KSR2: variants seen among roughly 807,000 people sequenced by gnomAD.
KSR2 encodes the protein kinase suppressor of ras 2.
Under a neutral mutation model 107.8 loss-of-function variants are expected in KSR2, and 25 were observed. The observed-to-expected ratio is 0.23, with a 90% CI of 0.17 to 0.32. The LOEUF (loss-of-function observed/expected upper bound fraction) is 0.32, where lower values mean the gene tolerates loss of function less well. Ranked by LOEUF, KSR2 falls within the 10% of genes least tolerant of loss-of-function variation. The probability of loss-of-function intolerance (pLI) is 1.00; values close to 1 mark genes in which losing one functional copy is unlikely to be tolerated. For synonymous variants in KSR2, 480 were observed against 507.0 expected (o/e 0.95, Z 0.71); for missense variants, 887 against 1,268.9 (o/e 0.70, Z 4.57).
intron 1 of KSR2, among the ~76,000 whole-genome samples, chr12:117,935,791 G>A (rs1381903718): frequency 3.3e-5 from 5 of 152,054 alleles, no homozygotes; most frequent in Non-Finnish European, 7.4e-5. Context: ...AGGCTCTCAT[G>A]ATCTGGTCCC....
chr12:117,877,320 GAGTAA>G (rs1893887375), intron 1 of KSR2, among the ~76,000 whole-genome samples: 1 of 152,116 alleles, frequency 6.6e-6, no homozygotes, highest in African/African-American at 2.4e-5. Context: ...CTGGGTGACA[GAGTAA>G]GACTCCATCT....
intron 10 of KSR2, among the ~76,000 whole-genome samples, chr12:117,538,486 G>A (rs1876212775): frequency 6.6e-6 from 1 of 152,130 alleles, no homozygotes; most frequent in Admixed American, 6.5e-5. Flanking sequence ...TTGCCTCCTG[G>A]CCACTCACTC....
chr12:117,609,321 C>T (rs1332674969), intron 5 of KSR2, among the ~76,000 whole-genome samples: 4 of 152,208 alleles, frequency 2.6e-5, no homozygotes, highest in Admixed American at 2.6e-4. Context: ...GTGTACAGTG[C>T]CTGGCCTATA....
chr12:117,643,101 G>A (rs1174774876), intron 5 of KSR2, among the ~76,000 whole-genome samples: 1 of 152,030 alleles, frequency 6.6e-6, no homozygotes, highest in Non-Finnish European at 1.5e-5. Context: ...AATAAATAGG[G>A]GACTACCTAG....
At chr12:117,862,844 C>T (rs1260252529) in intron 1 of KSR2, among the ~76,000 whole-genome samples, 1 of 151,832 alleles carries the variant, frequency 6.6e-6, no homozygotes, top group African/African-American at 2.4e-5. Flanking sequence ...ATTCTCCTGC[C>T]TCACCCTCCC....
In KSR2 at chr12:117,461,714, G is replaced by A. The variant is rs1044532494; in HGVS notation, c.*5485C>T. On this transcript the variant is annotated 3_prime_UTR_variant, in exon 20 of 20. Transcript: ENST00000339824. ...ACATTTGCTGCCTGTCACTCCCCTT[G>A]GAGTTCAAAGTGATTCCCTTGCAGG... 1 of 159,132 alleles carries A rather than the reference G, an allele frequency of 6.3e-6. No homozygotes were observed. Among genetic ancestry groups the A allele is most frequent in the African/African-American group, 2.4e-5 (1 of 41,660 alleles). The allele number at this position is 159,132 out of a possible 1,614,324, so 9.9% of individuals were successfully genotyped here.
intron 9 of KSR2, among the ~76,000 whole-genome samples, chr12:117,542,071 G>A (rs1260314660): frequency 2.0e-5 from 3 of 152,006 alleles, no homozygotes; most frequent in African/African-American, 4.8e-5. Flanking sequence ...TTTTTTGGTA[G>A]ACACAGGGTC....
At chr12:117,644,991 C>T (rs73211964) in intron 5 of KSR2, among the ~76,000 whole-genome samples, 5,650 of 152,250 alleles carry the variant, frequency 0.037, 187 homozygotes, top group South Asian at 0.13. Flanking sequence ...TGATTCACTC[C>T]ATGGCTTCAA....
intron 10 of KSR2, among the ~76,000 whole-genome samples, chr12:117,534,607 C>T (rs1403272871): frequency 3.3e-5 from 5 of 152,018 alleles, no homozygotes; most frequent in East Asian, 1.9e-4. Flanking sequence ...GGGCTGTTGT[C>T]GGCAGAATAA....
chr12:117,824,574 A>G (rs1408456853), intron 3 of KSR2, among the ~76,000 whole-genome samples: 15 of 152,112 alleles, frequency 9.9e-5, no homozygotes, highest in Admixed American at 9.8e-4. Flanking sequence ...AAAAAATTTT[A>G]GGCCGGGCGC....
At chr12:117,614,844 T>C (rs938246130) in intron 5 of KSR2, among the ~76,000 whole-genome samples, 2 of 152,232 alleles carry the variant, frequency 1.3e-5, no homozygotes, top group African/African-American at 2.4e-5. Flanking sequence ...TCTCTGAGTG[T>C]TATCTCTCTA....
chr12:117,910,463 G>A (rs943842007), intron 1 of KSR2, among the ~76,000 whole-genome samples: 4 of 152,156 alleles, frequency 2.6e-5, no homozygotes, highest in East Asian at 1.9e-4. Flanking sequence ...GTTGGCAAGC[G>A]AGAGTCTTGC....
intron 1 of KSR2, among the ~76,000 whole-genome samples, chr12:117,961,970 T>C (rs12578282): frequency 0.32 from 47,957 of 151,586 alleles, 9,075 homozygotes; most frequent in African/African-American, 0.53. Flanking sequence ...CAAAGCAAGA[T>C]ACTGTCTCTA....
chr12:117,649,362 T>C (rs1279258967), intron 5 of KSR2, among the ~76,000 whole-genome samples: 1 of 152,224 alleles, frequency 6.6e-6, no homozygotes, highest in African/African-American at 2.4e-5. Context: ...CAATACTGAT[T>C]GCTGCATTCA....
intron 4 of KSR2, among the ~76,000 whole-genome samples, chr12:117,727,900 A>G (rs866702311): frequency 8.5e-5 from 13 of 152,258 alleles, no homozygotes; most frequent in African/African-American, 2.9e-4. Context: ...AAAAGAATGC[A>G]CTGATACAAC....
At chr12:117,589,295 A>G (rs887460033) in intron 5 of KSR2, among the ~76,000 whole-genome samples, 1 of 152,250 alleles carries the variant, frequency 6.6e-6, no homozygotes, top group African/African-American at 2.4e-5. Context: ...ACCTCTGAGC[A>G]CATAATATTA....
At chr12:117,593,167 C>A (rs894310894) in intron 5 of KSR2, among the ~76,000 whole-genome samples, 1 of 152,154 alleles carries the variant, frequency 6.6e-6, no homozygotes, top group Non-Finnish European at 1.5e-5. Context: ...AGGACTGTCT[C>A]CTTGACCCAA....
At chr12:117,648,717 T>A (rs929835562) in intron 5 of KSR2, among the ~76,000 whole-genome samples, 1 of 152,208 alleles carries the variant, frequency 6.6e-6, no homozygotes, top group Non-Finnish European at 1.5e-5. Context: ...GGTGCTTGTG[T>A]TTAGGGGTGT....
chr12:117,533,362 C>G (rs1875796870), intron 10 of KSR2, among the ~76,000 whole-genome samples: 1 of 152,218 alleles, frequency 6.6e-6, no homozygotes, highest in Non-Finnish European at 1.5e-5. Context: ...TTGCACCAGT[C>G]AGTGTGCAAC....
Sources: allele counts gnomAD v4.1 joint callset (sites outside exome capture counted in the v4.1 genomes callset), GRCh38; gene constraint gnomAD v4.1.1; transcripts MANE v1.5; gene names NCBI Gene and HGNC (gene_info 2026-07-23, HGNC 2026-07-21).